The following SPATA17 variants were observed in gnomAD, a reference collection of about 807,000 sequenced individuals.
SPATA17 encodes the protein spermatogenesis-associated protein 17.
In SPATA17, 53 loss-of-function variants were observed where a neutral mutation model predicts 62.2. That is an observed-to-expected ratio of 0.85 (90% CI 0.68 to 1.07). The LOEUF (loss-of-function observed/expected upper bound fraction) is 1.07, where lower values mean the gene tolerates loss of function less well. SPATA17 is among the 50% of genes least tolerant of loss of function. The probability of loss-of-function intolerance (pLI) is 0.00; values close to 1 mark genes in which losing one functional copy is unlikely to be tolerated. For missense variants in SPATA17, 466 were observed against 425.5 expected (o/e 1.10, Z -0.84); for synonymous variants, 146 against 146.8 (o/e 0.99, Z 0.04).
chr1:217,655,741 A>C (rs990145470), intron 3 of SPATA17, among the ~76,000 whole-genome samples: 2 of 152,152 alleles, frequency 1.3e-5, no homozygotes, highest in African/African-American at 4.8e-5. Context: ...GTTATGGTCA[A>C]CTATTCTCAC....
In SPATA17 at chr1:217,782,318, A is replaced by G. The variant is rs1286262991; in HGVS notation, c.868A>G (p.Asn290Asp). 14 of 1,602,970 alleles carry G rather than the reference A, an allele frequency of 8.7e-6. No individual in the cohort carries two copies. The highest frequency in any genetic ancestry group is 2.2e-5 in the East Asian group (1 of 44,724). ...GGAATGGCTGCAAAATGTAAATGACAATATGTGAGTTCTTAGCTTAACAAA... is the reference window on the plus strand; with the variant it reads ...GGAATGGCTGCAAAATGTAAATGACGATATGTGAGTTCTTAGCTTAACAAA... ...REEWLQNVND[N>D]MFLPFSSYHK... Residue 290 changes from asparagine (N) to aspartate (D), a missense_variant, in exon 8 of 11, where the codon AAT becomes GAT. Physicochemically the swap from Asn to Asp is conservative, Grantham distance 23 (BLOSUM62 1). Coordinates refer to ENST00000366933, the MANE Select transcript of SPATA17 (RefSeq NM_138796.4).
At chr1:217,759,819 A>T (rs1404588030) in intron 6 of SPATA17, among the ~76,000 whole-genome samples, 1 of 152,212 alleles carries the variant, frequency 6.6e-6, no homozygotes, top group African/African-American at 2.4e-5. Context: ...TTAATTTGGC[A>T]GAAAATTATT....
chr1:217,760,735 G>A (rs796580363), intron 6 of SPATA17, among the ~76,000 whole-genome samples: 8 of 152,232 alleles, frequency 5.3e-5, no homozygotes, highest in African/African-American at 1.9e-4. Flanking sequence ...TCGTTCACTT[G>A]TCTAGTTCTG....
chr1:217,780,176 A>G (rs1360747116), intron 7 of SPATA17, among the ~76,000 whole-genome samples: 1 of 152,124 alleles, frequency 6.6e-6, no homozygotes, highest in East Asian at 1.9e-4. Flanking sequence ...CATGACTGGG[A>G]TAGATGATTG....
intron 5 of SPATA17, among the ~76,000 whole-genome samples, chr1:217,701,183 C>T (rs576982261): frequency 6.6e-6 from 1 of 151,584 alleles, no homozygotes; most frequent in Admixed American, 6.6e-5. Context: ...CCATGTTGGC[C>T]AGGCTGGTCT....
chr1:217,805,016 C>A (rs761159915), intron 9 of SPATA17, among the ~76,000 whole-genome samples: 31 of 152,132 alleles, frequency 2.0e-4, no homozygotes, highest in Non-Finnish European at 4.1e-4. Flanking sequence ...TAAAATCCAG[C>A]AATCCTATTT....
intron 1 of SPATA17, among the ~76,000 whole-genome samples, chr1:217,633,014 A>G (rs1262131063): frequency 2.0e-5 from 3 of 152,148 alleles, no homozygotes; most frequent in Middle Eastern, 3.4e-3. Flanking sequence ...ACTGGCCAAC[A>G]TGGCAAAACC....
At chr1:217,664,891 G>C (rs1361750732) in intron 3 of SPATA17, among the ~76,000 whole-genome samples, 3 of 152,066 alleles carry the variant, frequency 2.0e-5, no homozygotes, top group African/African-American at 7.2e-5. Flanking sequence ...ATAAATAAAT[G>C]CTTATAAGGA....
At chr1:217,683,214 A>G (rs200997435) in intron 4 of SPATA17, 44 bp from the exon 5 acceptor site, 36 of 1,358,410 alleles carry the variant, frequency 2.7e-5, no homozygotes, top group African/African-American at 2.4e-4. Flanking sequence ...ATTTTTAATA[A>G]AAGTGTTTAA....
At chr1:217,816,303 A>G (rs1674715265) in intron 9 of SPATA17, among the ~76,000 whole-genome samples, 1 of 151,772 alleles carries the variant, frequency 6.6e-6, no homozygotes, top group Non-Finnish European at 1.5e-5. Flanking sequence ...ATTATTTTAT[A>G]TTTTTAGTCT....
intron 6 of SPATA17, among the ~76,000 whole-genome samples, chr1:217,766,182 GATATTA>G (rs1233367384): frequency 6.6e-6 from 1 of 151,942 alleles, no homozygotes; most frequent in Non-Finnish European, 1.5e-5. Context: ...ATTAGTTACA[GATATTA>G]GTTGAATTAA....
chr1:217,846,568 A>G (rs1675534483), intron 9 of SPATA17, among the ~76,000 whole-genome samples: 1 of 152,042 alleles, frequency 6.6e-6, no homozygotes, highest in South Asian at 2.1e-4. Context: ...ATCAAGCTTA[A>G]CTGAAAGACT....
intron 6 of SPATA17, among the ~76,000 whole-genome samples, chr1:217,747,312 G>A (rs1413887214): frequency 1.3e-5 from 2 of 152,046 alleles, no homozygotes; most frequent in African/African-American, 4.8e-5. Flanking sequence ...CAAATAAACT[G>A]ACTTTCATTC....
At chr1:217,664,187 A>G (rs1488946476) in intron 3 of SPATA17, among the ~76,000 whole-genome samples, 1 of 151,678 alleles carries the variant, frequency 6.6e-6, no homozygotes, top group Non-Finnish European at 1.5e-5. Context: ...GGTAATTGTG[A>G]GATTAGGGAA....
chr1:217,835,585 C>A (rs1412262279), intron 9 of SPATA17, among the ~76,000 whole-genome samples: 1 of 152,080 alleles, frequency 6.6e-6, no homozygotes, highest in Non-Finnish European at 1.5e-5. Flanking sequence ...CATTGAATAA[C>A]AATAAAATTT....
At chr1:217,830,753 G>A (rs952869096) in intron 9 of SPATA17, among the ~76,000 whole-genome samples, 2 of 151,928 alleles carry the variant, frequency 1.3e-5, no homozygotes, top group African/African-American at 2.4e-5. Context: ...GATTGATAAC[G>A]GTGTTATTAA....
At chr1:217,749,400 C>G (rs1347667556) in intron 6 of SPATA17, among the ~76,000 whole-genome samples, 2 of 152,062 alleles carry the variant, frequency 1.3e-5, no homozygotes, top group Non-Finnish European at 2.9e-5. Context: ...TTTGATGCAG[C>G]CTGATTTTGA....
At chr1:217,766,236 C>G (rs1245340585) in intron 6 of SPATA17, among the ~76,000 whole-genome samples, 1 of 151,912 alleles carries the variant, frequency 6.6e-6, no homozygotes, top group East Asian at 1.9e-4. Flanking sequence ...ATCTGTGCCC[C>G]TTGTTCTTTG....
chr1:217,675,225 GGGGGGAAAATT>G (rs1558561227), intron 4 of SPATA17, among the ~76,000 whole-genome samples: 2 of 152,138 alleles, frequency 1.3e-5, no homozygotes, highest in Non-Finnish European at 2.9e-5. Context: ...GTCAGAGTGT[GGGGGGAAAATT>G]ATACTTATTT....
Sources: gnomAD v4.1 joint callset for allele counts (sites outside exome capture counted in the v4.1 genomes callset) on GRCh38, gnomAD v4.1.1 for gene constraint, MANE v1.5 for transcripts, NCBI Gene and HGNC (gene_info 2026-07-23, HGNC 2026-07-21) for gene names.